Variants in WWOX observed in about 807,000 individuals in gnomAD.
The protein encoded by WWOX is WW domain-containing oxidoreductase.
Under a neutral mutation model 46.2 loss-of-function variants are expected in WWOX, and 69 were observed. The observed-to-expected ratio is 1.49, with a 90% CI of 1.23 to 1.82. The LOEUF is 1.82. WWOX is among the 40% of genes most tolerant of loss of function. WWOX has a pLI of 0.00. For synonymous variants in WWOX, 359 were observed against 202.6 expected, an observed-to-expected ratio of 1.77 and a Z score of -6.56; for missense variants, 919 against 542.6, an observed-to-expected ratio of 1.69 and a Z score of -6.89.
At chr16:79,053,387 T>A (rs1420186564) in intron 8 of WWOX, among the ~76,000 whole-genome samples, 1 of 152,152 alleles carries the variant, frequency 6.6e-6, no homozygotes, top group East Asian at 1.9e-4. Flanking sequence ...AAAGAAACAA[T>A]CCTGGAGTGA....
intron 8 of WWOX, among the ~76,000 whole-genome samples, chr16:79,019,821 C>G (rs2047495370): frequency 6.6e-6 from 1 of 152,170 alleles, no homozygotes; most frequent in South Asian, 2.1e-4. Flanking sequence ...CTAATCTTTT[C>G]TAGCTGGTCA....
chr16:78,626,107 C>G (rs1030115897), intron 8 of WWOX, among the ~76,000 whole-genome samples: 7 of 151,670 alleles, frequency 4.6e-5, no homozygotes, highest in Admixed American at 6.6e-5. Context: ...GTTCCAGGAG[C>G]CCATCCAGGA....
chr16:78,422,694 C>CATATATATAT (rs1597211383), intron 6 of WWOX, among the ~76,000 whole-genome samples: 1 of 30,248 alleles, frequency 3.3e-5, no homozygotes. Flanking sequence ...TACACACACA[C>CATATATATAT]ACACACATAT....
intron 8 of WWOX, among the ~76,000 whole-genome samples, chr16:78,869,636 T>C (rs2044083234): frequency 6.6e-6 from 1 of 152,350 alleles, no homozygotes; most frequent in African/African-American, 2.4e-5. Flanking sequence ...GATGGGTTAC[T>C]GATTCTGCGG....
At chr16:78,609,984 A>G (rs1277726150) in intron 8 of WWOX, among the ~76,000 whole-genome samples, 1 of 131,098 alleles carries the variant, frequency 7.6e-6, no homozygotes, top group Non-Finnish European at 1.6e-5. Context: ...CCCTTTAAGT[A>G]ACAGTGACGC....
intron 8 of WWOX, among the ~76,000 whole-genome samples, chr16:78,543,003 G>C (rs747594716): frequency 3.3e-5 from 5 of 152,222 alleles, no homozygotes; most frequent in Admixed American, 6.5e-5. Flanking sequence ...CTACCTGTGT[G>C]ACTGTGTATA....
At chr16:78,946,721 T>C (rs1437605554) in intron 8 of WWOX, among the ~76,000 whole-genome samples, 1 of 152,064 alleles carries the variant, frequency 6.6e-6, no homozygotes, top group East Asian at 1.9e-4. Flanking sequence ...TTTCAGAGCG[T>C]TGAGAGTCAT....
intron 5 of WWOX, among the ~76,000 whole-genome samples, chr16:78,214,827 A>G (rs983636248): frequency 5.8e-5 from 5 of 85,736 alleles, no homozygotes; most frequent in African/African-American, 3.0e-4. Context: ...ATGAATAAAT[A>G]TTACCAAAAA....
intron 8 of WWOX, among the ~76,000 whole-genome samples, chr16:78,928,950 C>T (rs574247618): frequency 6.6e-6 from 1 of 152,162 alleles, no homozygotes; most frequent in Admixed American, 6.5e-5. Flanking sequence ...AGTTGAGATG[C>T]TTGTTAAACT....
intron 6 of WWOX, among the ~76,000 whole-genome samples, chr16:78,395,479 T>G (rs563970639): frequency 6.6e-6 from 1 of 152,022 alleles, no homozygotes; most frequent in East Asian, 1.9e-4. Flanking sequence ...GCTACTGCAC[T>G]CCAGCCTGGG....
intron 8 of WWOX, among the ~76,000 whole-genome samples, chr16:78,846,954 G>T (rs1413683609): frequency 2.0e-5 from 3 of 152,162 alleles, no homozygotes; most frequent in African/African-American, 7.2e-5. Flanking sequence ...GTCATAATAC[G>T]ACAGTATTGT....
At chr16:78,334,806 ACGCACACACACACACACACACACACATAC>A (rs2080842990) in intron 5 of WWOX, among the ~76,000 whole-genome samples, 1 of 130,768 alleles carries the variant, frequency 7.6e-6, no homozygotes, top group Non-Finnish European at 1.6e-5. Context: ...ACACACACAC[ACGCACACACACACACACACACACACATAC>A]ACACACACAC....
At chr16:78,396,747 C>A (rs1483167955) in intron 6 of WWOX, among the ~76,000 whole-genome samples, 5 of 152,242 alleles carry the variant, frequency 3.3e-5, no homozygotes, top group Admixed American at 3.3e-4. Flanking sequence ...ATCAGCCAGA[C>A]AGTCTCTGCG....
In WWOX at chr16:78,346,466, G is replaced by C. The variant is rs1176259209; in HGVS notation, c.517-40394G>C. 2.5e-5 allele frequency among the ~76,000 whole-genome samples: 3 copies of C among 119,822 alleles called. No homozygotes were observed. The East Asian group carries it at 5.8e-4, about 23-fold the overall frequency. The allele number at this position is 119,822 out of a possible 152,430, so 78.6% of individuals were successfully genotyped here. On this transcript the variant is annotated intron_variant, in intron 5 of 8. Coordinates refer to ENST00000566780, the MANE Select transcript of WWOX (RefSeq NM_016373.4). ...TATAGGGCTATGTATAACTTTTTAA[G>C]AGGTTGGCAAATACTTCCCTAAAGT...
At chr16:78,865,171 G>C (rs2043976863) in intron 8 of WWOX, among the ~76,000 whole-genome samples, 1 of 152,122 alleles carries the variant, frequency 6.6e-6, no homozygotes, top group Admixed American at 6.5e-5. Flanking sequence ...AAGTGCTAAA[G>C]GTTGTATGTT....
chr16:78,847,110 G>T (rs745405252), intron 8 of WWOX, among the ~76,000 whole-genome samples: 3 of 152,166 alleles, frequency 2.0e-5, no homozygotes, highest in Non-Finnish European at 2.9e-5. Flanking sequence ...TGTCATCTTG[G>T]ACTTCCCTGC....
intron 5 of WWOX, among the ~76,000 whole-genome samples, chr16:78,381,418 A>G (rs2081954904): frequency 6.6e-6 from 1 of 151,326 alleles, no homozygotes; most frequent in African/African-American, 2.5e-5. Flanking sequence ...GAAATGGGAG[A>G]CATGCACCTG....
At chr16:78,460,410 T>TA (rs751371999) in intron 8 of WWOX, among the ~76,000 whole-genome samples, 1 of 152,232 alleles carries the variant, frequency 6.6e-6, no homozygotes, top group Non-Finnish European at 1.5e-5. Context: ...GCCTGGCTGA[T>TA]ACTTTCCTTA....
intron 5 of WWOX, among the ~76,000 whole-genome samples, chr16:78,244,449 G>A (rs2037755196): frequency 6.6e-6 from 1 of 152,224 alleles, no homozygotes; most frequent in South Asian, 2.1e-4. Flanking sequence ...AAGCTGTGAA[G>A]TATCTGGAAT....
Sources: allele counts gnomAD v4.1 joint callset (sites outside exome capture counted in the v4.1 genomes callset), GRCh38; gene constraint gnomAD v4.1.1; transcripts MANE v1.5; gene names NCBI Gene and HGNC (gene_info 2026-07-23, HGNC 2026-07-21).